The following DGKB variants were observed in gnomAD, a reference collection of about 807,000 sequenced individuals.
DGKB encodes the protein 90 kDa diacylglycerol kinase.
Under a neutral mutation model 114.3 loss-of-function variants are expected in DGKB, and 67 were observed. The observed-to-expected ratio is 0.59, with a 90% CI of 0.48 to 0.72. The LOEUF (loss-of-function observed/expected upper bound fraction) is 0.72. Among genes scored for constraint, DGKB ranks in the 30% least tolerant of loss-of-function variants. The pLI is 0.00. For synonymous variants in DGKB, 398 were observed against 323.1 expected (o/e 1.23, Z -2.49); for missense variants, 907 against 975.2 (o/e 0.93, Z 0.93).
chr7:14,793,742 G>C (rs1435615689), intron 2 of DGKB, among the ~76,000 whole-genome samples: 4 of 151,864 alleles, frequency 2.6e-5, no homozygotes, highest in Non-Finnish European at 5.9e-5. Context: ...GGTTGGTTTT[G>C]TATGTCAACT....
At chr7:14,542,726 C>T (rs1261006660) in intron 20 of DGKB, among the ~76,000 whole-genome samples, 1 of 152,170 alleles carries the variant, frequency 6.6e-6, no homozygotes, top group Non-Finnish European at 1.5e-5. Flanking sequence ...GAATATCTGC[C>T]TGAGATTTTT....
chr7:14,455,177 A>G (rs1202129020), intron 21 of DGKB, among the ~76,000 whole-genome samples: 1 of 152,048 alleles, frequency 6.6e-6, no homozygotes, highest in Non-Finnish European at 1.5e-5. Flanking sequence ...ATACCATTTG[A>G]GCAGTGAAGT....
intron 23 of DGKB, among the ~76,000 whole-genome samples, chr7:14,192,779 T>C (rs909948627): frequency 1.3e-5 from 2 of 152,134 alleles, no homozygotes; most frequent in Non-Finnish European, 2.9e-5. Context: ...TATTTCATTA[T>C]GTATTACAAT....
At chr7:14,630,000 C>T (rs1025930560) in intron 14 of DGKB, among the ~76,000 whole-genome samples, 1 of 151,988 alleles carries the variant, frequency 6.6e-6, no homozygotes, top group African/African-American at 2.4e-5. Context: ...GTCTAGGTCA[C>T]ATAACTTCTT....
intron 21 of DGKB, among the ~76,000 whole-genome samples, chr7:14,374,919 G>C (rs779850437): frequency 6.6e-6 from 1 of 152,122 alleles, no homozygotes; most frequent in Non-Finnish European, 1.5e-5. Flanking sequence ...TTGTCCGTCT[G>C]TTGCCTTAGA....
chr7:14,704,804 CA>C (rs1825896246), intron 6 of DGKB, among the ~76,000 whole-genome samples: 2 of 152,040 alleles, frequency 1.3e-5, no homozygotes. Context: ...ACATCCACAC[CA>C]AAAACCCATC....
chr7:14,848,595 G>A (rs1256610145), intron 1 of DGKB, among the ~76,000 whole-genome samples: 2 of 152,308 alleles, frequency 1.3e-5, no homozygotes, highest in Admixed American at 1.3e-4. Flanking sequence ...ATTCCCCTAA[G>A]CTCTGCTTCA....
intron 2 of DGKB, among the ~76,000 whole-genome samples, chr7:14,809,854 G>C (rs936032115): frequency 1.3e-5 from 2 of 152,154 alleles, no homozygotes; most frequent in African/African-American, 4.8e-5. Flanking sequence ...TGAGCAATAG[G>C]TCCTTTATTC....
At chr7:14,755,877 G>A (rs1331774264) in intron 3 of DGKB, among the ~76,000 whole-genome samples, 1 of 151,960 alleles carries the variant, frequency 6.6e-6, no homozygotes, top group South Asian at 2.1e-4. Context: ...GTTGTAATGA[G>A]ATCTAACTTT....
intron 6 of DGKB, among the ~76,000 whole-genome samples, chr7:14,707,237 G>A (rs929140957): frequency 7.0e-5 from 10 of 143,270 alleles, no homozygotes; most frequent in African/African-American, 7.8e-5. Flanking sequence ...TAAATTCCTC[G>A]ACACATACAC....
At chr7:14,499,314 TAAC>T (rs917598582) in intron 20 of DGKB, among the ~76,000 whole-genome samples, 2 of 151,722 alleles carry the variant, frequency 1.3e-5, no homozygotes, top group Admixed American at 1.3e-4. Context: ...GGCTGAGACT[TAAC>T]AACTTTGGCA....
chr7:14,935,227 A>T (rs528749902), intron 1 of DGKB, among the ~76,000 whole-genome samples: 3 of 152,272 alleles, frequency 2.0e-5, no homozygotes, highest in Admixed American at 2.0e-4. Context: ...GAGAGCATTT[A>T]TTGTAAAAGA....
At chr7:14,688,207 T>C (rs988610428) in intron 9 of DGKB, among the ~76,000 whole-genome samples, 1 of 152,158 alleles carries the variant, frequency 6.6e-6, no homozygotes, top group African/African-American at 2.4e-5. Flanking sequence ...ACATTCCTAT[T>C]AGTCCTTCCA....
chr7:14,791,786 T>C (rs1840699139), intron 2 of DGKB, among the ~76,000 whole-genome samples: 2 of 152,314 alleles, frequency 1.3e-5, no homozygotes, highest in South Asian at 4.1e-4. Context: ...TAATTGGACA[T>C]GACGTATCAT....
intron 17 of DGKB, among the ~76,000 whole-genome samples, chr7:14,592,814 T>C (rs1303218737): frequency 6.6e-6 from 1 of 151,950 alleles, no homozygotes; most frequent in Non-Finnish European, 1.5e-5. Context: ...TCTCTCAACA[T>C]TTTAATTTAA....
intron 17 of DGKB, among the ~76,000 whole-genome samples, chr7:14,595,704 T>A (rs1193979544): frequency 1.3e-5 from 2 of 151,762 alleles, no homozygotes; most frequent in East Asian, 3.9e-4. Flanking sequence ...AATAACATAG[T>A]TTTATAAATT....
At chr7:14,640,114 A>C (rs546433524) in intron 13 of DGKB, among the ~76,000 whole-genome samples, 1 of 152,330 alleles carries the variant, frequency 6.6e-6, no homozygotes, top group Non-Finnish European at 1.5e-5. Flanking sequence ...TAATAGTAAA[A>C]ACAATATTCA....
intron 3 of DGKB, 81 bp from the exon 4 acceptor site, chr7:14,754,029 G>T: frequency 9.9e-7 from 1 of 1,013,324 alleles, no homozygotes; most frequent in Non-Finnish European, 1.5e-6. Flanking sequence ...TGATTATTTA[G>T]CTAAAAGTTC....
At chr7:14,892,864 ATGTG>A (rs10646592) in intron 1 of DGKB, among the ~76,000 whole-genome samples, 17 of 147,134 alleles carry the variant, frequency 1.2e-4, no homozygotes, top group Admixed American at 4.1e-4. Context: ...ATATATATAT[ATGTG>A]TGTGTGTGTG....
Sources: allele counts gnomAD v4.1 joint callset (sites outside exome capture counted in the v4.1 genomes callset), GRCh38; gene constraint gnomAD v4.1.1; transcripts MANE v1.5; gene names NCBI Gene and HGNC (gene_info 2026-07-23, HGNC 2026-07-21).